The following ZNF350 variants were observed in gnomAD, a reference collection of about 807,000 sequenced individuals.
ZNF350 encodes the protein zinc finger protein 350.
Under a neutral mutation model 13.1 loss-of-function variants are expected in ZNF350, and 5 were observed. The observed-to-expected ratio is 0.38, with a 90% CI of 0.20 to 0.80. The LOEUF (loss-of-function observed/expected upper bound fraction) is 0.80. ZNF350 is among the 30% of genes least tolerant of loss of function. The pLI is 0.43. For synonymous variants in ZNF350, 199 were observed against 224.2 expected (o/e 0.89, Z 1.00); for missense variants, 534 against 644.2 (o/e 0.83, Z 1.85).
rs1202862570 is a variant in ZNF350 at position 51,965,529 on chromosome 19, G to A, written c.924C>T (p.His308=). 4.3e-6 allele frequency: 7 copies of A among 1,614,016 alleles called. No individual in the cohort carries two copies. The highest frequency in any genetic ancestry group is 5.1e-6 in the Non-Finnish European group (6 of 1,179,982). ...GTTTCTCACCTGTATGAATTCGCTG[G>A]TGTACAATGAGATTTCCTTTCTGGA... ...GFIQKGNLIV[H]QRIHTGEKPY... The change falls in exon 5 of 5, where the codon CAC becomes CAT. Residue 308 remains histidine (H), a synonymous_variant. Transcript: ENST00000243644.
Position 51,968,613 on chromosome 19 carries a change from G to A in ZNF350, c.203C>T (p.Thr68Ile). 2 of 1,613,994 alleles carry A rather than the reference G, an allele frequency of 1.2e-6. No individual in the cohort carries two copies. Among genetic ancestry groups the A allele is most frequent in the Non-Finnish European group, 1.7e-6 (2 of 1,180,012 alleles). ...FKLEQGEQLWTIEDGIHSGAC... is the reference protein window; with the variant it reads ...FKLEQGEQLWIIEDGIHSGAC... The stretch of plus-strand genomic sequence containing the variant: ...TCCACTGTGGATTCCATCTTCAATT[G>A]TCCACAGTTGTTCTCCTTGTTCCAA... The change falls in exon 4 of 5, where the codon ACA becomes ATA. Residue 68 changes from threonine to isoleucine, a missense_variant. Transcript: ENST00000243644.
intron 1 of ZNF350, among the ~76,000 whole-genome samples, chr19:51,980,744 T>G (rs2086013697): frequency 6.6e-6 from 1 of 152,208 alleles, no homozygotes; most frequent in South Asian, 2.1e-4. Flanking sequence ...ATTGGTGAAT[T>G]ACAAAACAAA....
At chr19:51,977,156 G>A (rs1010006819) in intron 1 of ZNF350, among the ~76,000 whole-genome samples, 4 of 152,110 alleles carry the variant, frequency 2.6e-5, no homozygotes, top group Non-Finnish European at 5.9e-5. Context: ...GAGCCCTTAG[G>A]ACATTGTGCT....
intron 4 of ZNF350, 25 bp from the exon 5 acceptor site, chr19:51,966,239 C>A (rs1318538305): frequency 1.3e-6 from 2 of 1,521,580 alleles, no homozygotes; most frequent in Non-Finnish European, 8.8e-7. Context: ...ACAAAGATTT[C>A]TATCATTTAG....
intron 4 of ZNF350, 96 bp downstream of exon 4, chr19:51,968,482 G>T: frequency 9.5e-7 from 1 of 1,055,798 alleles, no homozygotes; most frequent in Non-Finnish European, 1.5e-6. Context: ...TAGAGGAACT[G>T]TTTACATATC....
chr19:51,966,647 GT>G (rs750878746), intron 4 of ZNF350, among the ~76,000 whole-genome samples: 15 of 144,426 alleles, frequency 1.0e-4, no homozygotes, highest in African/African-American at 3.5e-4. Context: ...ATTTTTTGTT[GT>G]TTTTTTTTTG....
Position 51,964,754 on chromosome 19 carries a change from T to G in ZNF350, c.*100A>C, listed in dbSNP as rs571867761. ...TTAATAGGATGAGTTTATCAGGCTA[T>G]CTCAGCCTTATACATGTTCTCTCAG... On this transcript the variant is annotated 3_prime_UTR_variant, in exon 5 of 5. Transcript: ENST00000243644. 1.8e-5 allele frequency: 25 copies of G among 1,356,512 alleles called. No individual in the cohort carries two copies. In the African/African-American group the frequency reaches 3.2e-4, roughly 17 times the overall value. The allele number at this position is 1,356,512 out of a possible 1,614,324, so 84.0% of individuals were successfully genotyped here. A position where few individuals can be genotyped will look rare whatever the true frequency, so the allele number is the denominator to read the frequency against.
Position 51,969,018 on chromosome 19 carries a change from G to C in ZNF350, c.129C>G (p.Asn43Lys). The C allele has an allele frequency of 6.2e-7, 1 of 1,614,042 alleles. No homozygotes were observed. The highest frequency in any genetic ancestry group is 8.5e-7 in the Non-Finnish European group (1 of 1,179,980). ...YRDVMLENYS[N>K]LVAVGYQASK... Reference sequence around the variant, plus strand: ...AGCTGTCCTCACCCACTGCCACCAGGTTGCTGTAGTTCTCCAACATCACAT... The same window carrying C: ...AGCTGTCCTCACCCACTGCCACCAGCTTGCTGTAGTTCTCCAACATCACAT... The change falls in exon 3 of 5, where the codon AAC (asparagine) becomes AAG (lysine). Residue 43 changes from asparagine (N) to lysine (K), a missense_variant. Coordinates refer to ENST00000243644, the MANE Select transcript of ZNF350 (RefSeq NM_021632.4).
intron 1 of ZNF350, 172 bp downstream of exon 1, chr19:51,986,598 C>G (rs2086162194): frequency 6.5e-6 from 1 of 152,834 alleles, no homozygotes; most frequent in Non-Finnish European, 1.5e-5. Context: ...ACAGGGGGAT[C>G]ACAGACTCCC....
At chr19:51,980,704 G>A (rs2086012960) in intron 1 of ZNF350, among the ~76,000 whole-genome samples, 1 of 152,158 alleles carries the variant, frequency 6.6e-6, no homozygotes, top group Admixed American at 6.5e-5. Context: ...CCATTTGCAA[G>A]GAGCTTTCAC....
chr19:51,977,561 C>T (rs2085928564), intron 1 of ZNF350, among the ~76,000 whole-genome samples: 1 of 152,192 alleles, frequency 6.6e-6, no homozygotes, highest in Admixed American at 6.5e-5. Context: ...TGTACACAGG[C>T]CGCTAAATGC....
chr19:51,980,727 C>T (rs775636522), intron 1 of ZNF350, among the ~76,000 whole-genome samples: 7 of 152,148 alleles, frequency 4.6e-5, no homozygotes, highest in Non-Finnish European at 1.0e-4. Context: ...CCAACATCAC[C>T]TTTGATATTG....
intron 1 of ZNF350, among the ~76,000 whole-genome samples, chr19:51,975,429 TAAAAA>T (rs202054246): frequency 1.1e-5 from 1 of 88,994 alleles, no homozygotes; most frequent in Non-Finnish European, 2.1e-5. Flanking sequence ...AACCTCGTCT[TAAAAA>T]AAAAAAAAAA....
chr19:51,966,376 C>T (rs373734524), intron 4 of ZNF350, among the ~76,000 whole-genome samples, 162 bp from the exon 5 acceptor site: 9 of 149,350 alleles, frequency 6.0e-5, no homozygotes, highest in Non-Finnish European at 1.0e-4. Context: ...CTCTGCTTCC[C>T]GGGTTCAAGG....
intron 1 of ZNF350, among the ~76,000 whole-genome samples, chr19:51,982,712 G>T (rs2086073524): frequency 1.3e-5 from 2 of 152,020 alleles, no homozygotes; most frequent in South Asian, 4.1e-4. Context: ...AAAGTTAGAA[G>T]ACTTGCCATA....
In ZNF350 at chr19:51,966,051, T is replaced by C; in HGVS notation, c.402A>G (p.Lys134=). The C allele has an allele frequency of 1.2e-6, 2 of 1,614,080 alleles. No homozygotes were observed. The highest frequency in any genetic ancestry group is 2.2e-5 in the South Asian group (2 of 91,030). Residue 134 remains lysine (K), a synonymous_variant, in exon 5 of 5, where the codon AAA becomes AAG. Coordinates refer to ENST00000243644, the MANE Select transcript of ZNF350 (RefSeq NM_021632.4). ...CTAAAGTTAAATTGGATTTCAAACT[T>C]TTTCCACGTAAGTCAAATATATCAT... ...QNHDIFDLRG[K]SLKSNLTLVN... is the part of the protein sequence containing the mutation.
At chr19:51,979,496 C>G (rs897120195) in intron 1 of ZNF350, among the ~76,000 whole-genome samples, 1 of 152,188 alleles carries the variant, frequency 6.6e-6, no homozygotes, top group Non-Finnish European at 1.5e-5. Flanking sequence ...ACCACAAAGA[C>G]GTCGCTCAGC....
At chr19:51,979,259 T>C (rs895266259) in intron 1 of ZNF350, among the ~76,000 whole-genome samples, 3 of 152,158 alleles carry the variant, frequency 2.0e-5, no homozygotes, top group Non-Finnish European at 4.4e-5. Context: ...AGCCATAATG[T>C]CCTGTGCACT....
intron 1 of ZNF350, chr19:51,981,257 A>ACCGC (rs2086032328): frequency 6.8e-6 from 1 of 147,070 alleles, no homozygotes; most frequent in Non-Finnish European, 1.5e-5. Flanking sequence ...CCCTTCTTCC[A>ACCGC]CCCCCCCACC....
Sources: gnomAD v4.1 joint callset for allele counts (sites outside exome capture counted in the v4.1 genomes callset) on GRCh38, gnomAD v4.1.1 for gene constraint, MANE v1.5 for transcripts, NCBI Gene and HGNC (gene_info 2026-07-23, HGNC 2026-07-21) for gene names.